Variants in NF1 observed in about 807,000 individuals in gnomAD.
NF1 encodes neurofibromin 1.
In NF1, 122 loss-of-function variants were observed where a neutral mutation model predicts 325.7. That is an observed-to-expected ratio of 0.37 (90% CI 0.32 to 0.44). The LOEUF is 0.44. Ranked by LOEUF, NF1 falls within the 20% of genes least tolerant of loss-of-function variation. The pLI, the probability that NF1 is intolerant of heterozygous loss-of-function variation, is 1.00. For missense variants in NF1, 2,140 were observed against 3,415.4 expected (o/e 0.63, Z 9.31); for synonymous variants, 1,091 against 1,186.0 (o/e 0.92, Z 1.65).
chr17:31,216,021 C>T (rs936735160), intron 13 of NF1, among the ~76,000 whole-genome samples: 14 of 152,170 alleles, frequency 9.2e-5, no homozygotes, highest in Admixed American at 8.5e-4. Flanking sequence ...AAAACCCATT[C>T]AAGTTTGAAA....
chr17:31,169,689 G>C (rs1269632188), intron 4 of NF1, among the ~76,000 whole-genome samples: 1 of 152,000 alleles, frequency 6.6e-6, no homozygotes, highest in Admixed American at 6.6e-5. Flanking sequence ...GGGCCTATAG[G>C]TGTGTGCCAT....
intron 1 of NF1, among the ~76,000 whole-genome samples, chr17:31,101,472 C>G (rs771599868): frequency 2.2e-4 from 33 of 152,174 alleles, no homozygotes; most frequent in Non-Finnish European, 3.2e-4. Flanking sequence ...AATATTCTAA[C>G]AGCATGTCTC....
intron 38 of NF1, among the ~76,000 whole-genome samples, chr17:31,330,074 T>C (rs2069442125): frequency 6.6e-6 from 1 of 152,196 alleles, no homozygotes; most frequent in Non-Finnish European, 1.5e-5. Context: ...ACAGTGCTCT[T>C]ATGGTTATAT....
In NF1 at chr17:31,233,232, C is replaced by G. The variant is rs371590712; in HGVS notation, c.3708+19C>G. 1 of 1,607,030 alleles carries G rather than the reference C, an allele frequency of 6.2e-7. No homozygotes were observed. Among genetic ancestry groups the G allele is most frequent in the Admixed American group, 1.7e-5 (1 of 59,980 alleles). ...TCAGTGGGTAAGTGATTAGAGTAAG[C>G]GGGGAAGAAAAGTGCCTGGCACATA... On this transcript the variant is annotated intron_variant, in intron 27 of 57. Coordinates refer to ENST00000358273, the MANE Select transcript of NF1 (RefSeq NM_001042492.3).
intron 1 of NF1, among the ~76,000 whole-genome samples, chr17:31,130,092 T>G (rs1915239336): frequency 1.3e-5 from 2 of 150,792 alleles, no homozygotes; most frequent in South Asian, 4.2e-4. Context: ...TTGTTTTTTT[T>G]TTTTTATCCT....
At chr17:31,190,767 A>G (rs1464370366) in intron 8 of NF1, among the ~76,000 whole-genome samples, 1 of 152,256 alleles carries the variant, frequency 6.6e-6, no homozygotes, top group Non-Finnish European at 1.5e-5. Flanking sequence ...TACTAGATTT[A>G]CATTCCCCAA....
At chr17:31,243,552 C>T (rs571185238) in intron 29 of NF1, among the ~76,000 whole-genome samples, 1 of 152,062 alleles carries the variant, frequency 6.6e-6, no homozygotes. Context: ...CTCTTCCGTC[C>T]TCTTTTCTCA....
chr17:31,152,704 T>C (rs947920858), intron 1 of NF1, among the ~76,000 whole-genome samples: 2 of 151,950 alleles, frequency 1.3e-5, no homozygotes, highest in African/African-American at 4.8e-5. Context: ...ATTTGTGTTA[T>C]TCCACATCTT....
chr17:31,336,229 A>G lies in NF1; in HGVS notation c.6007-104A>G. On this transcript the variant is annotated intron_variant, in intron 40 of 57. Transcript: ENST00000358273. This position sits in a 1 kb window ranked among gnomAD's most constrained non-coding sequence, Gnocchi z 5.5. ...TCTAGTATTTTTGAGGCCTCAGGTA[A>G]AATAGAATTTTCATATTGATTAGGC... The G allele has an allele frequency of 7.8e-7, 1 of 1,276,580 alleles. No individual in the cohort carries two copies. Among genetic ancestry groups the G allele is most frequent in the Non-Finnish European group, 1.1e-6 (1 of 906,682 alleles). The allele number at this position is 1,276,580 out of a possible 1,614,324, so 79.1% of individuals were successfully genotyped here. A position where few individuals can be genotyped will look rare whatever the true frequency, so the allele number is the denominator to read the frequency against.
chr17:31,337,746 C>A (rs2151557050), intron 43 of NF1, 73 bp from the exon 44 acceptor site: 1 of 1,515,166 alleles, frequency 6.6e-7, no homozygotes, highest in Non-Finnish European at 9.1e-7. Context: ...TTAATGACAT[C>A]ATAATAAACA....
chr17:31,110,057 G>C (rs1913270433), intron 1 of NF1, among the ~76,000 whole-genome samples: 1 of 152,044 alleles, frequency 6.6e-6, no homozygotes, highest in Non-Finnish European at 1.5e-5. Context: ...CAGATTTCCT[G>C]GCTCTACTAA....
chr17:31,360,865 A>G (rs1004698322), intron 57 of NF1, 162 bp downstream of exon 57: 23 of 682,610 alleles, frequency 3.4e-5, no homozygotes, highest in Admixed American at 4.5e-5. Context: ...TTGTTATTCT[A>G]TGAAGCTTTC....
intron 1 of NF1, among the ~76,000 whole-genome samples, chr17:31,125,835 C>T (rs1368258874): frequency 2.0e-5 from 3 of 152,160 alleles, no homozygotes; most frequent in Admixed American, 6.5e-5. Context: ...TGCGCCTGGC[C>T]ACCAAATTAT....
intron 38 of NF1, 57 bp from the exon 39 acceptor site, chr17:31,330,239 T>G (rs904463310): frequency 6.8e-7 from 1 of 1,474,996 alleles, no homozygotes; most frequent in South Asian, 1.1e-5. Context: ...ATGAAAAAAT[T>G]TTGGAACTAT....
intron 13 of NF1, among the ~76,000 whole-genome samples, chr17:31,218,143 C>G (rs1453790024): frequency 1.3e-5 from 2 of 152,142 alleles, no homozygotes; most frequent in Non-Finnish European, 2.9e-5. Flanking sequence ...GATAATCATG[C>G]AATCCTTATC....
At chr17:31,263,630 T>C (rs1454836931) in intron 35 of NF1, among the ~76,000 whole-genome samples, 1 of 151,568 alleles carries the variant, frequency 6.6e-6, no homozygotes, top group Non-Finnish European at 1.5e-5. Context: ...AAGCAATCTT[T>C]TGTGCTTTTG....
intron 12 of NF1, among the ~76,000 whole-genome samples, chr17:31,207,009 A>C (rs1379367182): frequency 1.3e-5 from 2 of 152,176 alleles, no homozygotes; most frequent in African/African-American, 4.8e-5. Flanking sequence ...TAAAAAGATA[A>C]TTATAAGATT....
At chr17:31,129,625 T>G (rs1649450990) in intron 1 of NF1, among the ~76,000 whole-genome samples, 1 of 152,106 alleles carries the variant, frequency 6.6e-6, no homozygotes, top group Admixed American at 6.5e-5. Flanking sequence ...GAGACGGGGT[T>G]TCACCATGTT....
At chr17:31,278,935 G>T (rs1358928699) in intron 36 of NF1, among the ~76,000 whole-genome samples, 1 of 152,082 alleles carries the variant, frequency 6.6e-6, no homozygotes. Flanking sequence ...TTTTAAATAG[G>T]ACTTCTAAAA....
Sources: allele counts gnomAD v4.1 joint callset (sites outside exome capture counted in the v4.1 genomes callset), GRCh38; gene constraint gnomAD v4.1.1; non-coding constraint Gnocchi (gnomAD v3.1); transcripts MANE v1.5; gene names NCBI Gene and HGNC (gene_info 2026-07-23, HGNC 2026-07-21).